ACBD6: variants seen among roughly 807,000 people sequenced by gnomAD.
ACBD6 encodes acyl-CoA binding domain containing 6, also known as acyl-CoA-binding domain-containing protein 6.
In ACBD6, 28 loss-of-function variants were observed where a neutral mutation model predicts 37.2. That is an observed-to-expected ratio of 0.75 (90% CI 0.56 to 1.03). The LOEUF (loss-of-function observed/expected upper bound fraction) is 1.03. Ranked by LOEUF, ACBD6 falls within the 50% of genes least tolerant of loss-of-function variation. ACBD6 has a pLI of 0.00. For synonymous variants in ACBD6, 113 were observed against 126.8 expected (o/e 0.89, Z 0.73); for missense variants, 340 against 337.4 (o/e 1.01, Z -0.06).
chr1:180,389,512 T>C (rs1298455416), intron 6 of ACBD6, among the ~76,000 whole-genome samples: 1 of 152,214 alleles, frequency 6.6e-6, no homozygotes, highest in Non-Finnish European at 1.5e-5. Context: ...TTTGGGTATA[T>C]ACCCAGTAAT....
At chr1:180,345,659 T>C (rs1295624757) in intron 6 of ACBD6, among the ~76,000 whole-genome samples, 3 of 152,168 alleles carry the variant, frequency 2.0e-5, no homozygotes, top group Admixed American at 6.5e-5. Flanking sequence ...TTTCAAATGA[T>C]GGTCATAAAA....
At position 180,274,389 on chromosome 1, in the gene ACBD6, A is replaced by G. The variant is rs7536561; in HGVS notation, c.*936+262T>C. ...CTGCCATCCCACGCTCCTTTGCTCA[A>G]TGGGCTGGATTACACGGTGGACAGT... On this transcript the variant is annotated intron_variant, in intron 10 of 13. Coordinates refer to the ACBD6 transcript ENST00000642319. 0.5 allele frequency: 807,920 copies of G among 1,613,834 alleles called. 209,181 individuals are homozygous for G. Among genetic ancestry groups the G allele is most frequent in the South Asian group, 0.6 (54,748 of 91,076 alleles).
intron 3 of ACBD6, among the ~76,000 whole-genome samples, chr1:180,473,104 C>A (rs1430864749): frequency 6.6e-6 from 1 of 152,084 alleles, no homozygotes. Context: ...ATTTAATCAG[C>A]TATTGTATAA....
intron 6 of ACBD6, among the ~76,000 whole-genome samples, chr1:180,321,624 C>T (rs1280161382): frequency 2.6e-5 from 4 of 151,962 alleles, no homozygotes; most frequent in African/African-American, 7.3e-5. Flanking sequence ...GCCAAGATTG[C>T]ACCACTGCAC....
intron 6 of ACBD6, among the ~76,000 whole-genome samples, chr1:180,371,134 T>A (rs1395844472): frequency 6.6e-6 from 1 of 152,068 alleles, no homozygotes; most frequent in African/African-American, 2.4e-5. Flanking sequence ...ATAGTAGCTC[T>A]GTGACTTTGG....
intron 6 of ACBD6, among the ~76,000 whole-genome samples, chr1:180,327,511 T>C (rs894911550): frequency 1.8e-4 from 28 of 152,252 alleles, no homozygotes; most frequent in Non-Finnish European, 5.9e-5. Flanking sequence ...TTGGTTCTTA[T>C]GACAGTGCTC....
At chr1:180,273,053 C>T (rs554762359) in intron 12 of ACBD6, 1 of 152,230 alleles carries the variant, frequency 6.6e-6, no homozygotes, top group South Asian at 2.1e-4. Context: ...ATGAGCTCCC[C>T]CCACCATGTT....
chr1:180,430,609 T>G lies in ACBD6; in HGVS notation c.385-347A>C, dbSNP rs138191981. Among the ~76,000 whole-genome samples the G allele has an allele frequency of 4.8e-3, 722 of 151,170 alleles. 5 individuals carry two copies. The highest frequency in any genetic ancestry group is 0.017 in the African/African-American group (681 of 41,148). On this transcript the variant is annotated intron_variant, in intron 3 of 7. Transcript: ENST00000367595. ...AAATAAATCCCAGACATGAATGTGATCAGCAAAATCGTATCTAGATTTATA... is the reference window on the plus strand; with the variant it reads ...AAATAAATCCCAGACATGAATGTGAGCAGCAAAATCGTATCTAGATTTATA...
chr1:180,288,666 T>TGAC, intron 7 of ACBD6, 149 bp from the exon 8 acceptor site: 2 of 1,008,764 alleles, frequency 2.0e-6, no homozygotes, highest in Middle Eastern at 3.1e-4. Context: ...GGCCTGGTAA[T>TGAC]GAGAACTGTG....
intron 1 of ACBD6, among the ~76,000 whole-genome samples, chr1:180,501,232 G>A (rs1471906622): frequency 6.6e-6 from 1 of 152,136 alleles, no homozygotes; most frequent in African/African-American, 2.4e-5. Context: ...TTTTTAGATT[G>A]TATCAAACAG....
chr1:180,430,408 G>A (rs1648766275), intron 3 of ACBD6, 146 bp from the exon 4 acceptor site: 2 of 711,026 alleles, frequency 2.8e-6, no homozygotes, highest in Admixed American at 4.5e-5. Context: ...AACTTTTAAG[G>A]TGGTAACAGA....
intron 6 of ACBD6, among the ~76,000 whole-genome samples, chr1:180,318,174 C>CA (rs541331902): frequency 0.03 from 2,874 of 96,102 alleles, 166 homozygotes; most frequent in South Asian, 0.044. Context: ...CCCCCCCCCC[C>CA]CAAAAAAAAA....
At chr1:180,402,309 A>T (rs1446001667) in intron 5 of ACBD6, among the ~76,000 whole-genome samples, 1 of 152,184 alleles carries the variant, frequency 6.6e-6, no homozygotes. Flanking sequence ...AGATAGTCTA[A>T]CATCTCAAGA....
intron 7 of ACBD6, among the ~76,000 whole-genome samples, chr1:180,291,357 T>C (rs1649700107): frequency 6.6e-6 from 1 of 152,324 alleles, no homozygotes; most frequent in Middle Eastern, 3.4e-3. Context: ...TCCAGTTCCT[T>C]TGCACCCTTA....
At chr1:180,446,062 G>A (rs1649460908) in intron 3 of ACBD6, among the ~76,000 whole-genome samples, 1 of 152,034 alleles carries the variant, frequency 6.6e-6, no homozygotes, top group South Asian at 2.1e-4. Context: ...GAGTACAGTG[G>A]GTGATCTTGG....
chr1:180,296,886 G>C (rs1649939524), intron 7 of ACBD6, among the ~76,000 whole-genome samples: 1 of 152,012 alleles, frequency 6.6e-6, no homozygotes, highest in African/African-American at 2.4e-5. Flanking sequence ...CAGCACTTCG[G>C]GAGGCCAAGG....
rs200855247 is a variant in ACBD6 at position 180,454,913 on chromosome 1, C to G, written c.385-24651G>C. 7.2e-5 allele frequency among the ~76,000 whole-genome samples: 11 copies of G among 152,192 alleles called. No homozygotes were observed. In the East Asian group the frequency reaches 2.1e-3, roughly 29 times the overall value. On this transcript the variant is annotated intron_variant, in intron 3 of 7. Transcript: ENST00000367595. ...GTGGAGAAATAGGAACACTTTTACA[C>G]TGTTGGTGGGACTGTAAACTAGTTC...
intron 6 of ACBD6, among the ~76,000 whole-genome samples, chr1:180,387,791 G>C (rs1285559380): frequency 1.3e-5 from 2 of 152,166 alleles, no homozygotes; most frequent in Non-Finnish European, 2.9e-5. Context: ...CCTTTGGCAA[G>C]AGATAACAGG....
chr1:180,437,308 G>C (rs945949130), intron 3 of ACBD6, among the ~76,000 whole-genome samples: 2 of 152,146 alleles, frequency 1.3e-5, no homozygotes, highest in African/African-American at 4.8e-5. Context: ...GCTTGTGACT[G>C]GTCAAGGGGT....
Sources: gnomAD v4.1 joint callset for allele counts (sites outside exome capture counted in the v4.1 genomes callset) on GRCh38, gnomAD v4.1.1 for gene constraint, MANE v1.5 for transcripts, NCBI Gene and HGNC (gene_info 2026-07-23, HGNC 2026-07-21) for gene names.